The following FAM184B variants were observed in gnomAD, a reference collection of about 807,000 sequenced individuals.
FAM184B encodes the protein protein FAM184B.
Under a neutral mutation model 135.9 loss-of-function variants are expected in FAM184B, and 111 were observed. The ratio of observed to expected loss-of-function variants is 0.82; its 90% CI spans 0.70 to 0.96. The LOEUF (loss-of-function observed/expected upper bound fraction) is 0.96, where lower values mean the gene tolerates loss of function less well. Among genes scored for constraint, FAM184B ranks in the 40% least tolerant of loss-of-function variants. The probability of loss-of-function intolerance (pLI) is 0.00; values close to 1 mark genes in which losing one functional copy is unlikely to be tolerated. For synonymous variants in FAM184B, 552 were observed against 524.8 expected (o/e 1.05, Z -0.71); for missense variants, 1,375 against 1,323.9 (o/e 1.04, Z -0.60).
intron 1 of FAM184B, among the ~76,000 whole-genome samples, chr4:17,712,395 C>T (rs576799746): frequency 6.6e-6 from 1 of 151,956 alleles, no homozygotes; most frequent in African/African-American, 2.4e-5. Flanking sequence ...GGTGTAGACG[C>T]CGTGGAGTCA....
chr4:17,664,686 A>T, intron 7 of FAM184B, 27 bp from the exon 8 acceptor site: 1 of 1,510,222 alleles, frequency 6.6e-7, no homozygotes. Context: ...AAAAGAAAAA[A>T]AAAAAAAAGG....
At chr4:17,730,010 A>C (rs1362378674) in intron 1 of FAM184B, among the ~76,000 whole-genome samples, 1 of 152,108 alleles carries the variant, frequency 6.6e-6, no homozygotes, top group African/African-American at 2.4e-5. Context: ...GAAGTTAAAA[A>C]CTTTGAAAAA....
chr4:17,664,629 G>A lies in FAM184B; in HGVS notation c.1627C>T (p.Pro543Ser), dbSNP rs1716001892. Reference sequence around the variant, plus strand: ...TTATCTTGATACTCCTCTCCTCTCGGCGAAGTTTCATCCAGCTTCAAGCAT... The same window carrying A: ...TTATCTTGATACTCCTCTCCTCTCGACGAAGTTTCATCCAGCTTCAAGCAT... ...DPCLKLDETSPRGEEYQDKLA... is the reference protein window; with the variant it reads ...DPCLKLDETSSRGEEYQDKLA... Residue 543 changes from proline to serine, a missense_variant, in exon 8 of 18, where the codon CCG (proline) becomes TCG (serine). Transcript: ENST00000265018. 1.3e-6 allele frequency: 2 copies of A among 1,550,118 alleles called. No individual in the cohort carries two copies. The highest frequency in any genetic ancestry group is 1.7e-6 in the Non-Finnish European group (2 of 1,146,834).
intron 1 of FAM184B, among the ~76,000 whole-genome samples, chr4:17,766,865 G>A (rs927791908): frequency 9.9e-5 from 15 of 152,170 alleles, no homozygotes; most frequent in Admixed American, 2.0e-4. Flanking sequence ...AGGGGGCAGC[G>A]CTCATTGGGG....
intron 1 of FAM184B, among the ~76,000 whole-genome samples, chr4:17,771,604 G>C (rs1207808463): frequency 6.6e-6 from 1 of 152,178 alleles, no homozygotes; most frequent in Non-Finnish European, 1.5e-5. Context: ...TTTCAGAAAA[G>C]CGAGAGGAGC....
In FAM184B at chr4:17,746,731, CA is replaced by C. The variant is rs575639086; in HGVS notation, c.141+34427del. On this transcript the variant is annotated intron_variant, in intron 1 of 17. Transcript: ENST00000265018. ...TAGGCGACAGAGCGAGACACGGTCT[CA>C]AAAAAAAAAAAAAGTAGATTCCTGG... 7.7e-3 allele frequency among the ~76,000 whole-genome samples: 847 copies of C among 110,248 alleles called. 10 individuals are homozygous for C. The highest frequency in any genetic ancestry group is 7.2e-3 in the Middle Eastern group (1 of 138). The allele number at this position is 110,248 out of a possible 152,430, so 72.3% of individuals were successfully genotyped here.
At chr4:17,725,059 G>A (rs1405100999) in intron 1 of FAM184B, among the ~76,000 whole-genome samples, 2 of 152,138 alleles carry the variant, frequency 1.3e-5, no homozygotes, top group African/African-American at 2.4e-5. Context: ...CACCGCTGCA[G>A]AGCCTGCTGG....
chr4:17,724,044 C>A (rs1170052761), intron 1 of FAM184B, among the ~76,000 whole-genome samples: 1 of 151,834 alleles, frequency 6.6e-6, no homozygotes, highest in Non-Finnish European at 1.5e-5. Flanking sequence ...TCCATGTAAT[C>A]AAAAACCACT....
chr4:17,775,871 G>C (rs1718914909), intron 1 of FAM184B, among the ~76,000 whole-genome samples: 1 of 152,114 alleles, frequency 6.6e-6, no homozygotes, highest in Non-Finnish European at 1.5e-5. Flanking sequence ...GGCGGATGAG[G>C]GATCATAAAT....
chr4:17,763,893 C>CT lies in FAM184B; in HGVS notation c.141+17265dup, dbSNP rs530520333. Among the ~76,000 whole-genome samples, 20 of 151,680 alleles carry CT rather than the reference C, an allele frequency of 1.3e-4. No individual in the cohort carries two copies. The South Asian group carries it at 2.5e-3, about 19-fold the overall frequency. On this transcript the variant is annotated intron_variant, in intron 1 of 17. Coordinates refer to ENST00000265018, the MANE Select transcript of FAM184B (RefSeq NM_015688.2). ...AGTGAACGAAAACAAGGCACACCTA[C>CT]TTTTTTTTTGTTACTTTTTTGGATC...
intron 7 of FAM184B, among the ~76,000 whole-genome samples, chr4:17,667,123 G>A (rs1286910561): frequency 6.6e-6 from 1 of 151,768 alleles, no homozygotes; most frequent in Non-Finnish European, 1.5e-5. Context: ...CCATGCCTGG[G>A]TACTTTTTAC....
intron 1 of FAM184B, among the ~76,000 whole-genome samples, chr4:17,765,793 A>AG (rs1718662770): frequency 6.6e-6 from 1 of 152,248 alleles, no homozygotes; most frequent in Non-Finnish European, 1.5e-5. Context: ...CAGTACTTAA[A>AG]GGTGGTGTGT....
At chr4:17,739,703 C>T (rs960226179) in intron 1 of FAM184B, among the ~76,000 whole-genome samples, 2 of 151,618 alleles carry the variant, frequency 1.3e-5, no homozygotes, top group African/African-American at 2.4e-5. Context: ...TACAGGCACC[C>T]GCCATGATGT....
At chr4:17,775,050 G>T (rs1339374454) in intron 1 of FAM184B, among the ~76,000 whole-genome samples, 1 of 134,588 alleles carries the variant, frequency 7.4e-6, no homozygotes, top group Non-Finnish European at 1.5e-5. Context: ...AGGCTGGAGT[G>T]CAGTGGTATG....
chr4:17,739,775 C>T (rs926008515), intron 1 of FAM184B, among the ~76,000 whole-genome samples: 2 of 151,566 alleles, frequency 1.3e-5, no homozygotes, highest in East Asian at 3.9e-4. Flanking sequence ...AGGCTGGTCT[C>T]GAACTCCTGA....
chr4:17,650,364 G>A (rs73800324), intron 11 of FAM184B, among the ~76,000 whole-genome samples: 9,913 of 152,244 alleles, frequency 0.065, 1,104 homozygotes, highest in African/African-American at 0.23. Context: ...ATTACTGTAG[G>A]TGCTTGCACC....
intron 1 of FAM184B, among the ~76,000 whole-genome samples, chr4:17,727,268 G>A (rs1267645346): frequency 6.6e-6 from 1 of 152,150 alleles, no homozygotes; most frequent in Non-Finnish European, 1.5e-5. Flanking sequence ...CAGGCAGAAA[G>A]ATGGCACAGG....
chr4:17,760,834 CTTTCTCCAAG>C (rs1373385841), intron 1 of FAM184B, among the ~76,000 whole-genome samples: 14 of 152,170 alleles, frequency 9.2e-5, no homozygotes, highest in Admixed American at 9.2e-4. Context: ...AAGAAATGCC[CTTTCTCCAAG>C]GCACTTCGGG....
rs553390863 is a variant in FAM184B at position 17,703,924 on chromosome 4, C to T, written c.1377+1076G>A. Among the ~76,000 whole-genome samples the T allele has an allele frequency of 7.3e-5, 7 of 95,858 alleles. No individual in the cohort carries two copies. The South Asian group carries it at 2.6e-3, about 36-fold the overall frequency. The allele number at this position is 95,858 out of a possible 152,430, so 62.9% of individuals were successfully genotyped here. ...CCAGCCTGGTGACAGACCAAGACTCCGTTTCAAAAAAAAAAAAAGCAAAAA... is the reference window on the plus strand; with the variant it reads ...CCAGCCTGGTGACAGACCAAGACTCTGTTTCAAAAAAAAAAAAAGCAAAAA... On this transcript the variant is annotated intron_variant, in intron 5 of 17. Transcript: ENST00000265018.
Sources: allele counts gnomAD v4.1 joint callset (sites outside exome capture counted in the v4.1 genomes callset), GRCh38; gene constraint gnomAD v4.1.1; transcripts MANE v1.5; gene names NCBI Gene and HGNC (gene_info 2026-07-23, HGNC 2026-07-21).